Variants in LAMA4 observed in about 807,000 individuals in gnomAD.
LAMA4 encodes the protein laminin subunit alpha 4.
Under a neutral mutation model 207.1 loss-of-function variants are expected in LAMA4, and 127 were observed. The observed-to-expected ratio is 0.61, with a 90% CI of 0.53 to 0.71. The LOEUF is 0.71. LAMA4 is among the 30% of genes least tolerant of loss of function. LAMA4 has a pLI of 0.00. For synonymous variants in LAMA4, 761 were observed against 816.0 expected (o/e 0.93, Z 1.15); for missense variants, 2,093 against 2,246.5 (o/e 0.93, Z 1.38).
intron 18 of LAMA4, 100 bp from the exon 19 acceptor site, chr6:112,145,033 A>T (rs1194991317): frequency 2.6e-6 from 3 of 1,141,554 alleles, no homozygotes; most frequent in South Asian, 1.3e-5. Flanking sequence ...GGTAGAACTA[A>T]GAGAAATGAT....
At chr6:112,141,024 T>A in intron 21 of LAMA4, 102 bp from the exon 22 acceptor site, 1 of 998,766 alleles carries the variant, frequency 1.0e-6, no homozygotes, top group Non-Finnish European at 1.6e-6. Flanking sequence ...TGGGTAATTT[T>A]GTGACACTAA....
intron 2 of LAMA4, among the ~76,000 whole-genome samples, chr6:112,222,284 AT>A (rs1224808740): frequency 6.6e-6 from 1 of 152,226 alleles, no homozygotes; most frequent in Non-Finnish European, 1.5e-5. Context: ...CCATAACTCA[AT>A]TAGGAAAGTG....
intron 38 of LAMA4, among the ~76,000 whole-genome samples, chr6:112,111,324 G>A (rs781862341): frequency 3.3e-5 from 5 of 152,126 alleles, no homozygotes; most frequent in South Asian, 2.1e-4. Context: ...GATTACAGGC[G>A]CGAGCCACCA....
At chr6:112,124,431 A>T (rs1465770624) in intron 31 of LAMA4, among the ~76,000 whole-genome samples, 1 of 152,224 alleles carries the variant, frequency 6.6e-6, no homozygotes, top group East Asian at 1.9e-4. Flanking sequence ...ATATATGGCA[A>T]CCAAATATGC....
Position 112,155,598 on chromosome 6 carries a change from T to A in LAMA4, c.1926A>T (p.Glu642Asp). 6.2e-7 allele frequency: 1 copy of A among 1,614,196 alleles called. No homozygotes were observed. The highest frequency in any genetic ancestry group is 8.5e-7 in the Non-Finnish European group (1 of 1,180,004). ...NYVSEANETA[E>D]FALNTTDRIY... is the part of the protein sequence containing the mutation. Reference sequence around the variant, plus strand: ...TTCGGTCAGTGGTGTTCAAAGCAAATTCTGCTGTTTCATTGGCTTCACTAA... The same window carrying A: ...TTCGGTCAGTGGTGTTCAAAGCAAAATCTGCTGTTTCATTGGCTTCACTAA... Residue 642 changes from glutamate to aspartate, a missense_variant, in exon 15 of 39, where the codon GAA becomes GAT. By Grantham distance (45) the Glu-to-Asp change is conservative (BLOSUM62 2). Transcript: ENST00000230538.
At chr6:112,201,224 AT>A (rs2115001435) in intron 5 of LAMA4, among the ~76,000 whole-genome samples, 1 of 152,256 alleles carries the variant, frequency 6.6e-6, no homozygotes. Context: ...GGTGATTCAC[AT>A]TTTATTTACT....
At position 112,136,157 on chromosome 6, in the gene LAMA4, T is replaced by A; in HGVS notation, c.3380A>T (p.Lys1127Met). 6.2e-7 allele frequency: 1 copy of A among 1,613,398 alleles called. No homozygotes were observed. The highest frequency in any genetic ancestry group is 8.5e-7 in the Non-Finnish European group (1 of 1,179,622). Residue 1127 changes from lysine (K) to methionine (M), a missense_variant, in exon 25 of 39, where the codon AAG (lysine) becomes ATG (methionine). Lys to Met is a moderately conservative substitution (Grantham distance 95). Transcript: ENST00000230538. The stretch of plus-strand genomic sequence containing the variant: ...TTTTGCATCATTAATTTGAGCTTTC[T>A]TTAACGTATCTTCAAGATGCACAGG... ...GGPVHLEDTL[K>M]KAQINDAKYH...
In LAMA4 at chr6:112,167,275, G is replaced by A. The variant is rs531635940; in HGVS notation, c.1552-1999C>T. Among the ~76,000 whole-genome samples the A allele has an allele frequency of 4.6e-5, 7 of 152,316 alleles. No individual in the cohort carries two copies. In the East Asian group the frequency reaches 1.2e-3, roughly 25 times the overall value. On this transcript the variant is annotated intron_variant, in intron 12 of 38. Coordinates refer to ENST00000230538, the MANE Select transcript of LAMA4 (RefSeq NM_001105206.3). ...ATTTGGGCCGGGTGTGGTGGCACAT[G>A]CCTGTAATCCCAGCTACTTGGGAGG...
chr6:112,166,915 G>GCAACAAAAA (rs1480298120), intron 12 of LAMA4, among the ~76,000 whole-genome samples: 3 of 151,900 alleles, frequency 2.0e-5, no homozygotes, highest in Admixed American at 2.0e-4. Context: ...AACAGCAACA[G>GCAACAAAAA]CAACAAAAAC....
chr6:112,149,114 A>G (rs1426625715), intron 17 of LAMA4, among the ~76,000 whole-genome samples: 2 of 144,440 alleles, frequency 1.4e-5, no homozygotes, highest in Non-Finnish European at 3.0e-5. Context: ...AATTATTTTT[A>G]TTATAAAAAT....
intron 25 of LAMA4, chr6:112,135,895 T>A (rs1779309410): frequency 4.3e-6 from 2 of 463,586 alleles, no homozygotes; most frequent in African/African-American, 2.0e-5. Flanking sequence ...TTAAAAGGAA[T>A]CTTTCAGTGA....
In LAMA4 at chr6:112,139,643, C is replaced by G. The variant is rs1192148057; in HGVS notation, c.3110+109G>C. 3 of 1,334,496 alleles carry G rather than the reference C, an allele frequency of 2.2e-6. No homozygotes were observed. In the African/African-American group the frequency reaches 4.3e-5, roughly 19 times the overall value. The allele number at this position is 1,334,496 out of a possible 1,614,324, so 82.7% of individuals were successfully genotyped here. A position where few individuals can be genotyped will look rare whatever the true frequency, so the allele number is the denominator to read the frequency against. On this transcript the variant is annotated intron_variant, in intron 23 of 38. Coordinates refer to ENST00000230538, the MANE Select transcript of LAMA4 (RefSeq NM_001105206.3). ...AGGTATGACTTATGTAGTTTCAAAA[C>G]TGGCTTCCCCAAAGAAAAGTTTGAG...
Position 112,158,814 on chromosome 6 carries a change from G to A in LAMA4, c.1735C>T (p.Leu579=). The change falls in exon 14 of 39, where the codon CTA becomes TTA. Residue 579 remains leucine (L), a synonymous_variant. Transcript: ENST00000230538. The stretch of plus-strand genomic sequence containing the variant: ...ACTAAATCATGGCTGAGGTTACTTA[G>A]GTTAGATAGTTTTACTTGTAGTTCA... ...KSELQVKLSN[L]SNLSHDLVQE... 6.2e-7 allele frequency: 1 copy of A among 1,612,860 alleles called. No homozygotes were observed. The highest frequency in any genetic ancestry group is 8.5e-7 in the Non-Finnish European group (1 of 1,178,908).
chr6:112,253,904 C>G, intron 2 of LAMA4, 52 bp downstream of exon 2: 7 of 1,613,470 alleles, frequency 4.3e-6, no homozygotes, highest in Non-Finnish European at 5.9e-6. Flanking sequence ...TGTGGCACAG[C>G]CCGCGGGGGC....
chr6:112,190,771 G>C (rs782320588), intron 6 of LAMA4, among the ~76,000 whole-genome samples: 1 of 152,178 alleles, frequency 6.6e-6, no homozygotes, highest in Non-Finnish European at 1.5e-5. Flanking sequence ...CCCTTGACTT[G>C]CTAATCTATT....
Position 112,108,882 on chromosome 6 carries a change from ATTTAC to A in LAMA4, c.*550_*554del, listed in dbSNP as rs1485518857. On this transcript the variant is annotated 3_prime_UTR_variant, in exon 39 of 39. Transcript: ENST00000230538. Reference sequence around the variant, plus strand: ...GCATTTTTCTAGTATTCTGTTAGAAATTTACTTTATTAAACCTTGATAACTTCAGC... The same window carrying A: ...GCATTTTTCTAGTATTCTGTTAGAAATTTATTAAACCTTGATAACTTCAGC... The A allele has an allele frequency of 2.0e-5, 3 of 152,540 alleles. No homozygotes were observed. Among genetic ancestry groups the A allele is most frequent in the African/African-American group, 7.2e-5 (3 of 41,436 alleles). 9.4% of individuals were successfully genotyped at this position (152,540 alleles called of 1,614,324 possible).
chr6:112,207,125 T>A lies in LAMA4; in HGVS notation c.318A>T (p.Thr106=). 1 of 1,614,036 alleles carries A rather than the reference T, an allele frequency of 6.2e-7. No homozygotes were observed. Among genetic ancestry groups the A allele is most frequent in the Non-Finnish European group, 8.5e-7 (1 of 1,179,970 alleles). The change falls in exon 4 of 39, where the codon ACA becomes ACT. Residue 106 remains threonine, a synonymous_variant. Transcript: ENST00000230538. ...GYCVHCQRNT[T]GEHCEKCLDG... ...CCAGACACTTTTCACAGTGCTCTCC[T>A]GTTGTGTTCCGCTGGCAGTGCTATG...
intron 5 of LAMA4, among the ~76,000 whole-genome samples, chr6:112,192,161 C>A (rs1554349297): frequency 6.6e-6 from 1 of 152,158 alleles, no homozygotes; most frequent in Admixed American, 6.5e-5. Context: ...ATGGGTGGGA[C>A]CAGATATGCC....
chr6:112,191,584 G>A (rs1554349008), intron 6 of LAMA4, 52 bp downstream of exon 6: 3 of 1,308,208 alleles, frequency 2.3e-6, no homozygotes, highest in African/African-American at 1.5e-5. Flanking sequence ...ATTCAGTATT[G>A]GCAGAGGGTC....
Sources: allele counts gnomAD v4.1 joint callset (sites outside exome capture counted in the v4.1 genomes callset), GRCh38; gene constraint gnomAD v4.1.1; transcripts MANE v1.5; gene names NCBI Gene and HGNC (gene_info 2026-07-23, HGNC 2026-07-21).